Variants in PCCA observed in about 807,000 individuals in gnomAD.
PCCA encodes propionyl-CoA carboxylase subunit alpha, also known as propionyl-CoA carboxylase alpha chain, mitochondrial.
Under a neutral mutation model 101.3 loss-of-function variants are expected in PCCA, and 74 were observed. The ratio of observed to expected loss-of-function variants is 0.73; its 90% CI spans 0.61 to 0.89. The LOEUF (loss-of-function observed/expected upper bound fraction) is 0.89, where lower values mean the gene tolerates loss of function less well. Ranked by LOEUF, PCCA falls within the 40% of genes least tolerant of loss-of-function variation. The probability of loss-of-function intolerance (pLI) is 0.00; values close to 1 mark genes in which losing one functional copy is unlikely to be tolerated. For missense variants in PCCA, 891 were observed against 907.0 expected (o/e 0.98, Z 0.23); for synonymous variants, 294 against 313.6 (o/e 0.94, Z 0.66).
chr13:100,243,855 T>C (rs920535675), intron 8 of PCCA, among the ~76,000 whole-genome samples: 2 of 152,250 alleles, frequency 1.3e-5, no homozygotes, highest in African/African-American at 4.8e-5. Context: ...ATTCTTCTCA[T>C]CTTCCTTTTG....
chr13:100,422,114 CT>C (rs1419767156), intron 19 of PCCA, among the ~76,000 whole-genome samples: 3 of 105,002 alleles, frequency 2.9e-5, no homozygotes, highest in Non-Finnish European at 6.0e-5. Flanking sequence ...TTCTTTCTTT[CT>C]TTCTTTTCTT....
At chr13:100,188,425 G>A (rs1194069788) in intron 6 of PCCA, among the ~76,000 whole-genome samples, 1 of 152,168 alleles carries the variant, frequency 6.6e-6, no homozygotes, top group African/African-American at 2.4e-5. Flanking sequence ...GTATTCCATG[G>A]TGTAGATATA....
chr13:100,188,099 C>A (rs1362827369), intron 6 of PCCA, among the ~76,000 whole-genome samples: 1 of 152,118 alleles, frequency 6.6e-6, no homozygotes, highest in African/African-American at 2.4e-5. Flanking sequence ...TCGAGACCAC[C>A]CTGGCCAACA....
chr13:100,529,322 G>T (rs1437974756), intron 23 of PCCA, among the ~76,000 whole-genome samples: 1 of 152,180 alleles, frequency 6.6e-6, no homozygotes, highest in Non-Finnish European at 1.5e-5. Flanking sequence ...GTGGAAAGCA[G>T]CCTTTTCAGT....
intron 6 of PCCA, among the ~76,000 whole-genome samples, chr13:100,176,588 T>A (rs865774810): frequency 3.3e-5 from 5 of 152,310 alleles, no homozygotes; most frequent in Middle Eastern, 3.4e-3. Flanking sequence ...TGTTCAGAAT[T>A]GGTGGTTAGA....
intron 18 of PCCA, among the ~76,000 whole-genome samples, chr13:100,365,013 C>T (rs939421362): frequency 6.6e-6 from 1 of 152,180 alleles, no homozygotes; most frequent in Non-Finnish European, 1.5e-5. Flanking sequence ...TGGGCCACTG[C>T]ACTCCAGCCA....
intron 12 of PCCA, among the ~76,000 whole-genome samples, chr13:100,280,012 G>GTTTT (rs10543745): frequency 1.4e-5 from 2 of 140,212 alleles, no homozygotes; most frequent in Non-Finnish European, 3.1e-5. Context: ...TTTTGTTTTT[G>GTTTT]TTTTTTTTTT....
intron 6 of PCCA, among the ~76,000 whole-genome samples, chr13:100,201,727 CAT>C (rs2058506824): frequency 1.3e-5 from 2 of 151,812 alleles, no homozygotes; most frequent in South Asian, 4.2e-4. Flanking sequence ...CGTGGTGGTG[CAT>C]GCCTGTAATC....
intron 12 of PCCA, among the ~76,000 whole-genome samples, chr13:100,297,699 G>T (rs1045883692): frequency 6.6e-6 from 1 of 152,196 alleles, no homozygotes; most frequent in African/African-American, 2.4e-5. Flanking sequence ...ACCATCTAGC[G>T]TAGGTGTATG....
At chr13:100,480,075 A>T (rs369885729) in intron 21 of PCCA, among the ~76,000 whole-genome samples, 1 of 152,210 alleles carries the variant, frequency 6.6e-6, no homozygotes, top group Non-Finnish European at 1.5e-5. Context: ...TAATAAATTA[A>T]CAAGTCAGGG....
intron 19 of PCCA, among the ~76,000 whole-genome samples, chr13:100,395,356 G>GT (rs2076995693): frequency 6.6e-6 from 1 of 152,274 alleles, no homozygotes; most frequent in African/African-American, 2.4e-5. Flanking sequence ...TCAGCACTGC[G>GT]TAACTGTGGC....
intron 12 of PCCA, 31 bp from the exon 13 acceptor site, chr13:100,301,429 A>G (rs762476092): frequency 6.2e-7 from 1 of 1,613,120 alleles, no homozygotes; most frequent in Non-Finnish European, 8.5e-7. Context: ...CCTTTTCTAC[A>G]CCTACTGACT....
chr13:100,478,533 C>A (rs898043377), intron 21 of PCCA, among the ~76,000 whole-genome samples: 1 of 152,216 alleles, frequency 6.6e-6, no homozygotes, highest in Non-Finnish European at 1.5e-5. Context: ...CCAGCACACT[C>A]TCAGCCTCTG....
chr13:100,487,278 G>A (rs943287831), intron 21 of PCCA, among the ~76,000 whole-genome samples: 10 of 152,260 alleles, frequency 6.6e-5, no homozygotes, highest in Admixed American at 6.5e-4. Context: ...TTGAAGGGGG[G>A]AACCCACATT....
At chr13:100,129,364 G>A (rs746582586) in intron 4 of PCCA, among the ~76,000 whole-genome samples, 1 of 152,162 alleles carries the variant, frequency 6.6e-6, no homozygotes, top group African/African-American at 2.4e-5. Context: ...GTTTGATAGC[G>A]AATGCTTTCT....
intron 21 of PCCA, among the ~76,000 whole-genome samples, chr13:100,487,930 A>G (rs558248727): frequency 6.6e-6 from 1 of 151,912 alleles, no homozygotes; most frequent in Non-Finnish European, 1.5e-5. Context: ...AGGTGCCACT[A>G]TGTTGCCTGG....
intron 12 of PCCA, among the ~76,000 whole-genome samples, chr13:100,296,045 T>C (rs554437572): frequency 6.6e-6 from 1 of 152,288 alleles, no homozygotes; most frequent in Non-Finnish European, 1.5e-5. Flanking sequence ...AATATCACAG[T>C]AAAATATTTA....
At chr13:100,229,341 C>T (rs574614137) in intron 7 of PCCA, among the ~76,000 whole-genome samples, 1 of 152,280 alleles carries the variant, frequency 6.6e-6, no homozygotes, top group Admixed American at 6.5e-5. Context: ...AAAGACTTTC[C>T]TCCCCATCTA....
intron 21 of PCCA, among the ~76,000 whole-genome samples, chr13:100,500,314 T>C (rs1206769041): frequency 6.6e-6 from 1 of 152,184 alleles, no homozygotes; most frequent in African/African-American, 2.4e-5. Context: ...TATTTTGTTA[T>C]TATTTGTTGA....
Sources: gnomAD v4.1 joint callset for allele counts (sites outside exome capture counted in the v4.1 genomes callset) on GRCh38, gnomAD v4.1.1 for gene constraint, MANE v1.5 for transcripts, NCBI Gene and HGNC (gene_info 2026-07-23, HGNC 2026-07-21) for gene names.